DMD: variants seen among roughly 807,000 people sequenced by gnomAD.
DMD encodes the protein dystrophin.
In DMD, 63 loss-of-function variants were observed where a neutral mutation model predicts 330.1. The observed-to-expected ratio is 0.19, with a 90% CI of 0.16 to 0.24. The LOEUF (loss-of-function observed/expected upper bound fraction) is 0.24. Ranked by LOEUF, DMD falls within the 10% of genes least tolerant of loss-of-function variation. DMD has a pLI of 1.00. For synonymous variants in DMD, 1,223 were observed against 959.8 expected, an observed-to-expected ratio of 1.27 and a Z score of -5.07; for missense variants, 3,344 against 2,684.1, an observed-to-expected ratio of 1.25 and a Z score of -5.43.
At chrX:31,786,021 G>A (rs899907767) in intron 50 of DMD, among the ~76,000 whole-genome samples, 11 of 111,928 alleles carry the variant, frequency 9.8e-5, no homozygotes, top group Admixed American at 1.9e-4. Flanking sequence ...TTGAGGAATC[G>A]CCACACGGTC....
chrX:32,759,203 G>C (rs1262392510), intron 7 of DMD, among the ~76,000 whole-genome samples: 2 of 111,220 alleles, frequency 1.8e-5, no homozygotes, highest in African/African-American at 6.6e-5. Context: ...GAACTATTTT[G>C]GTCAGTCCTG....
chrX:31,917,265 C>CTG (rs1422778517), intron 47 of DMD, among the ~76,000 whole-genome samples: 4 of 111,982 alleles, frequency 3.6e-5, no homozygotes, highest in African/African-American at 1.3e-4. Flanking sequence ...TTCTGGGAAA[C>CTG]TGTGACTTAG....
At chrX:33,193,285 C>A (rs757378918) in intron 1 of DMD, among the ~76,000 whole-genome samples, 11 of 111,980 alleles carry the variant, frequency 9.8e-5, no homozygotes, top group African/African-American at 3.6e-4. Flanking sequence ...CCAGCCTGGG[C>A]AACAGAGCGA....
Position 32,185,350 on chromosome X carries a change from T to C in DMD, c.6438+31566A>G, listed in dbSNP as rs149475901. On this transcript the variant is annotated intron_variant, in intron 44 of 78. Transcript: ENST00000357033. ...TAGCCTTAGGCAAGTTTCTCAACCT[T>C]CCTGAATCTGTTTCTTCACAATAAC... 2.1e-3 allele frequency among the ~76,000 whole-genome samples: 229 copies of C among 111,058 alleles called. 1 individual carries two copies. In the East Asian group the frequency reaches 0.042, roughly 20 times the overall value.
chrX:32,600,561 C>G (rs115902591), intron 12 of DMD, among the ~76,000 whole-genome samples: 1 of 98,115 alleles, frequency 1.0e-5, no homozygotes, highest in Non-Finnish European at 2.0e-5. Flanking sequence ...AGCTAATTGC[C>G]GGTACTTGCA....
chrX:32,964,586 T>C (rs967230258), intron 2 of DMD, among the ~76,000 whole-genome samples: 2 of 110,384 alleles, frequency 1.8e-5, no homozygotes, highest in East Asian at 2.9e-4. Context: ...CGTGCGCCTG[T>C]AATCCCAGCT....
intron 31 of DMD, 48 bp from the exon 32 acceptor site, chrX:32,389,722 CA>C (rs773253152): frequency 5.5e-6 from 6 of 1,096,384 alleles, no homozygotes; most frequent in Admixed American, 4.4e-5. Flanking sequence ...GCCTTTCAAA[CA>C]ATAACTGGTC....
chrX:32,985,245 A>G (rs751522503), intron 2 of DMD, among the ~76,000 whole-genome samples: 1 of 106,168 alleles, frequency 9.4e-6, no homozygotes, highest in Non-Finnish European at 2.0e-5. Context: ...GAATATAGAT[A>G]TTTTAATTTA....
intron 2 of DMD, among the ~76,000 whole-genome samples, chrX:33,014,464 A>G (rs1057334646): frequency 1.8e-5 from 2 of 112,101 alleles, no homozygotes; most frequent in Non-Finnish European, 3.8e-5. Flanking sequence ...GGGAAGAAGT[A>G]GAAGAATGCA....
intron 1 of DMD, among the ~76,000 whole-genome samples, chrX:33,303,123 T>C (rs922742058): frequency 8.0e-5 from 9 of 111,804 alleles, no homozygotes; most frequent in African/African-American, 2.0e-4. Flanking sequence ...TAACATCTTA[T>C]TGTCTGAATG....
rs183589198 is a variant in DMD, at chrX:32,743,811, A to C, written c.650-44518T>G. 1.2e-3 allele frequency among the ~76,000 whole-genome samples: 137 copies of C among 111,595 alleles called. 1 individual carries two copies. The highest frequency in any genetic ancestry group is 4.3e-3 in the African/African-American group (131 of 30,783). The stretch of plus-strand genomic sequence containing the variant: ...CTGCCATAGCACCCATTACTTATAC[A>C]ACTAAATAAAATAGTATTGAGTGAT... On this transcript the variant is annotated intron_variant, in intron 7 of 78. Coordinates refer to ENST00000357033, the MANE Select transcript of DMD (RefSeq NM_004006.3).
intron 55 of DMD, among the ~76,000 whole-genome samples, chrX:31,608,388 G>T (rs1453745228): frequency 5.4e-5 from 6 of 111,674 alleles, no homozygotes; most frequent in Non-Finnish European, 1.9e-5. Flanking sequence ...TGTTTATGAT[G>T]TATAAATAAA....
chrX:31,940,019 T>C (rs1005645386), intron 45 of DMD, among the ~76,000 whole-genome samples: 2 of 112,138 alleles, frequency 1.8e-5, no homozygotes, highest in African/African-American at 6.5e-5. Context: ...CTAGTGTCCA[T>C]TGATATGGCC....
chrX:32,381,922 C>T (rs1209609877), intron 33 of DMD, among the ~76,000 whole-genome samples: 1 of 110,812 alleles, frequency 9.0e-6, no homozygotes, highest in East Asian at 2.8e-4. Context: ...GGACTCTCGA[C>T]TTGAGTATGA....
chrX:32,037,067 T>C (rs1006200214), intron 44 of DMD, among the ~76,000 whole-genome samples: 5 of 111,626 alleles, frequency 4.5e-5, no homozygotes, highest in African/African-American at 1.3e-4. Context: ...ACAACAAATA[T>C]AGATAGGTTG....
At chrX:33,107,842 T>C (rs1399715657) in intron 1 of DMD, among the ~76,000 whole-genome samples, 2 of 111,888 alleles carry the variant, frequency 1.8e-5, no homozygotes, top group East Asian at 5.6e-4. Flanking sequence ...TAAATGCATG[T>C]GAATTTCATA....
chrX:32,857,896 A>ATT (rs762625960), intron 2 of DMD, among the ~76,000 whole-genome samples: 26 of 111,611 alleles, frequency 2.3e-4, no homozygotes, highest in Non-Finnish European at 3.2e-4. Context: ...AAGGTCTTTT[A>ATT]TAAGTCTTCT....
chrX:32,335,968 T>C (rs1267633243), intron 41 of DMD, among the ~76,000 whole-genome samples: 5 of 104,482 alleles, frequency 4.8e-5, no homozygotes, highest in African/African-American at 7.0e-5. Flanking sequence ...AACGTGTATA[T>C]GTGTATAACA....
intron 1 of DMD, among the ~76,000 whole-genome samples, chrX:33,147,533 A>G (rs1360215967): frequency 8.9e-6 from 1 of 112,255 alleles, no homozygotes; most frequent in Non-Finnish European, 1.9e-5. Flanking sequence ...AATTAATTTA[A>G]GCATTTTTTG....
Sources: gnomAD v4.1 joint callset for allele counts (sites outside exome capture counted in the v4.1 genomes callset) on GRCh38, gnomAD v4.1.1 for gene constraint, MANE v1.5 for transcripts, NCBI Gene and HGNC (gene_info 2026-07-23, HGNC 2026-07-21) for gene names.